The following FOXP2 variants were observed in gnomAD, a reference collection of about 807,000 sequenced individuals.
The protein encoded by FOXP2 is forkhead box protein P2.
Under a neutral mutation model 115.8 loss-of-function variants are expected in FOXP2, and 12 were observed. That is an observed-to-expected ratio of 0.10 (90% CI 0.07 to 0.17). The LOEUF (loss-of-function observed/expected upper bound fraction) is 0.17, where lower values mean the gene tolerates loss of function less well. Among genes scored for constraint, FOXP2 ranks in the 10% least tolerant of loss-of-function variants. The pLI is 1.00. For synonymous variants in FOXP2, 328 were observed against 297.7 expected (o/e 1.10, Z -1.05); for missense variants, 629 against 843.5 (o/e 0.75, Z 3.15).
chr7:114,329,916 C>A (rs918873803), intron 2 of FOXP2, among the ~76,000 whole-genome samples: 4 of 152,024 alleles, frequency 2.6e-5, no homozygotes, highest in African/African-American at 9.7e-5. Flanking sequence ...ACCTCGAGAT[C>A]CACCCACCTC....
chr7:114,557,195 T>C (rs1053453783), intron 3 of FOXP2, among the ~76,000 whole-genome samples: 2 of 152,208 alleles, frequency 1.3e-5, no homozygotes, highest in South Asian at 2.1e-4. Context: ...GTGCTCAGTG[T>C]CTTGATTTGA....
intron 3 of FOXP2, among the ~76,000 whole-genome samples, chr7:114,596,615 A>G (rs1802723316): frequency 6.6e-6 from 1 of 152,136 alleles, no homozygotes; most frequent in Admixed American, 6.6e-5. Flanking sequence ...ATCAGAAAGC[A>G]GTGACCAAAG....
intron 1 of FOXP2, among the ~76,000 whole-genome samples, chr7:114,257,330 C>A (rs1321332458): frequency 6.6e-6 from 1 of 151,972 alleles, no homozygotes; most frequent in Admixed American, 6.6e-5. Flanking sequence ...AAACCCCAAA[C>A]TATAAAAACC....
At chr7:114,345,616 G>C (rs1465156506) in intron 2 of FOXP2, among the ~76,000 whole-genome samples, 1 of 151,580 alleles carries the variant, frequency 6.6e-6, no homozygotes, top group Non-Finnish European at 1.5e-5. Context: ...TACTTTATAT[G>C]ATCTCATTGT....
intron 2 of FOXP2, among the ~76,000 whole-genome samples, chr7:114,468,085 G>A (rs1357660583): frequency 7.2e-5 from 11 of 152,224 alleles, no homozygotes; most frequent in Admixed American, 6.5e-4. Context: ...TCTACCCAAA[G>A]CTTCATGTAC....
intron 14 of FOXP2, 60 bp from the exon 15 acceptor site, chr7:114,663,390 A>G (rs1806985348): frequency 3.3e-6 from 4 of 1,209,916 alleles, no homozygotes; most frequent in Admixed American, 3.4e-5. Flanking sequence ...AGCTGAGACT[A>G]TTGATATCCA....
chr7:114,583,899 T>A (rs1410473670), intron 3 of FOXP2, among the ~76,000 whole-genome samples: 1 of 151,658 alleles, frequency 6.6e-6, no homozygotes, highest in Non-Finnish European at 1.5e-5. Context: ...ACTAAATTAA[T>A]TTTTTTTCTC....
intron 3 of FOXP2, among the ~76,000 whole-genome samples, chr7:114,552,764 G>A (rs1262641886): frequency 2.0e-5 from 3 of 151,976 alleles, no homozygotes; most frequent in Non-Finnish European, 4.4e-5. Context: ...TTTTCTGTGT[G>A]TTCAATTATA....
chr7:114,591,914 C>T (rs1244958723), intron 3 of FOXP2, among the ~76,000 whole-genome samples: 1 of 152,006 alleles, frequency 6.6e-6, no homozygotes, highest in Non-Finnish European at 1.5e-5. Flanking sequence ...CTATTGGGCA[C>T]TTAAATATGG....
intron 2 of FOXP2, among the ~76,000 whole-genome samples, chr7:114,532,071 C>G (rs1041205212): frequency 6.6e-6 from 1 of 151,900 alleles, no homozygotes; most frequent in East Asian, 1.9e-4. Context: ...ATTGTTTCTT[C>G]AGTTACTTGT....
intron 1 of FOXP2, among the ~76,000 whole-genome samples, chr7:114,113,395 T>G (rs1254469532): frequency 6.6e-6 from 1 of 152,166 alleles, no homozygotes; most frequent in Non-Finnish European, 1.5e-5. Context: ...TTATTTCTAT[T>G]TTTAGAGATG....
chr7:114,338,175 C>T (rs978742478), intron 2 of FOXP2, among the ~76,000 whole-genome samples: 4 of 150,634 alleles, frequency 2.7e-5, no homozygotes, highest in African/African-American at 4.8e-5. Flanking sequence ...TTTTAATATG[C>T]AAGTACTTAC....
chr7:114,550,734 T>C (rs1800166235), intron 3 of FOXP2, among the ~76,000 whole-genome samples: 1 of 152,194 alleles, frequency 6.6e-6, no homozygotes, highest in African/African-American at 2.4e-5. Context: ...CACTGATAAA[T>C]GGGTTACTCA....
chr7:114,339,662 C>T (rs529536276), intron 2 of FOXP2, among the ~76,000 whole-genome samples: 24 of 150,866 alleles, frequency 1.6e-4, no homozygotes, highest in Non-Finnish European at 2.7e-4. Flanking sequence ...CAAATCCTTG[C>T]GTTGGTATAG....
At chr7:114,209,459 A>C (rs1464959346) in intron 1 of FOXP2, among the ~76,000 whole-genome samples, 1 of 152,184 alleles carries the variant, frequency 6.6e-6, no homozygotes, top group African/African-American at 2.4e-5. Context: ...TTCTTTAAGA[A>C]TGTTGAATAT....
At chr7:114,413,230 T>C (rs558226013), upstream of FOXP2, among the ~76,000 whole-genome samples, 3 of 152,058 alleles carry the variant, frequency 2.0e-5, no homozygotes, top group Non-Finnish European at 2.9e-5. Flanking sequence ...CACAGTTTCT[T>C]TGAAATGTGG....
At chr7:114,514,246 T>A (rs1215636626) in intron 2 of FOXP2, among the ~76,000 whole-genome samples, 4 of 152,126 alleles carry the variant, frequency 2.6e-5, no homozygotes, top group African/African-American at 9.7e-5. Context: ...CCTCACATAC[T>A]TATCATTTTG....
intron 11 of FOXP2, 28 bp downstream of exon 11, chr7:114,658,295 T>C: frequency 6.2e-7 from 1 of 1,609,752 alleles, no homozygotes; most frequent in Non-Finnish European, 8.5e-7. Flanking sequence ...AGTAGAGCAC[T>C]TTTACTTTGG....
chr7:114,473,498 T>C lies in FOXP2; in HGVS notation c.168+46819T>C, dbSNP rs183502310. Among the ~76,000 whole-genome samples, 5 of 152,282 alleles carry C rather than the reference T, an allele frequency of 3.3e-5. No homozygotes were observed. In the East Asian group the frequency reaches 7.7e-4, roughly 24 times the overall value. On this transcript the variant is annotated intron_variant, in intron 2 of 16. Transcript: ENST00000350908. ...AGTGTAAGTATGGTAGATTCAAAGATCTAGTTTTGAGTTTAATTAAACTTT... is the reference window on the plus strand; with the variant it reads ...AGTGTAAGTATGGTAGATTCAAAGACCTAGTTTTGAGTTTAATTAAACTTT...
Sources: gnomAD v4.1 joint callset for allele counts (sites outside exome capture counted in the v4.1 genomes callset) on GRCh38, gnomAD v4.1.1 for gene constraint, MANE v1.5 for transcripts, NCBI Gene and HGNC (gene_info 2026-07-23, HGNC 2026-07-21) for gene names.